MRPL40: variants seen among roughly 807,000 people sequenced by gnomAD.
The protein encoded by MRPL40 is mitochondrial ribosomal protein L40.
Under a neutral mutation model 24.5 loss-of-function variants are expected in MRPL40, and 18 were observed. The observed-to-expected ratio is 0.73, with a 90% CI of 0.51 to 1.09. MRPL40 has a LOEUF of 1.09. Among genes scored for constraint, MRPL40 ranks in the 50% least tolerant of loss-of-function variants. MRPL40 has a pLI of 0.00. For synonymous variants in MRPL40, 108 were observed against 94.6 expected (o/e 1.14, Z -0.82); for missense variants, 256 against 243.8 (o/e 1.05, Z -0.33).
chr22:19,433,296 G>A lies in MRPL40; in HGVS notation c.85G>A (p.Glu29Lys). The change falls in exon 2 of 4, where the codon GAG (glutamate) becomes AAG (lysine). Residue 29 changes from glutamate (E) to lysine (K), a missense_variant. Physicochemically the swap from Glu to Lys is moderately conservative, Grantham distance 56. Coordinates refer to ENST00000333130, the MANE Select transcript of MRPL40 (RefSeq NM_003776.4). ...LLGTWQTQLR[E>K]THQRASLLSF... ...GGGAACTTGGCAGACGCAGCTTAGA[G>A]AGACTCACCAGCGAGCGTCATTGTT... 3.1e-6 allele frequency: 5 copies of A among 1,613,274 alleles called. No individual in the cohort carries two copies. The South Asian group carries it at 5.5e-5, about 18-fold the overall frequency.
chr22:19,432,549 G>T lies in MRPL40; in HGVS notation c.-6G>T, dbSNP rs774080850. ...GGGCGCACGCCCGGAAGCGGCGAGG[G>T]TAGCCATGACGGCCTCCGTGCTGCG... On this transcript the variant is annotated 5_prime_UTR_variant, in exon 1 of 4. Coordinates refer to ENST00000333130, the MANE Select transcript of MRPL40 (RefSeq NM_003776.4). The T allele has an allele frequency of 4.5e-6, 7 of 1,548,242 alleles. No homozygotes were observed. In the South Asian group the frequency reaches 8.4e-5, roughly 19 times the overall value.
intron 1 of MRPL40, 141 bp from the exon 2 acceptor site, chr22:19,433,124 A>G: frequency 1.8e-6 from 1 of 547,688 alleles, no homozygotes; most frequent in Non-Finnish European, 3.3e-6. Context: ...ACGGGGTTTC[A>G]CCATGTTGGC....
intron 1 of MRPL40, 29 bp from the exon 2 acceptor site, chr22:19,433,236 A>C (rs752383048): frequency 6.6e-7 from 1 of 1,514,516 alleles, no homozygotes; most frequent in Non-Finnish European, 9.2e-7. Flanking sequence ...GGAGAAGCAG[A>C]TATTTATACA....
At position 19,433,311 on chromosome 22, in the gene MRPL40, G is replaced by C; in HGVS notation, c.100G>C (p.Ala34Pro). Reference protein sequence around the residue: ...QTQLRETHQRASLLSFWELIP... With the variant: ...QTQLRETHQRPSLLSFWELIP... ...GCAGCTTAGAGAGACTCACCAGCGA[G>C]CGTCATTGTTGTCTTTCTGGGAACT... The change falls in exon 2 of 4, where the codon GCG becomes CCG. Residue 34 changes from alanine (A) to proline (P), a missense_variant. By Grantham distance (27) the Ala-to-Pro change is conservative. Transcript: ENST00000333130. 6.2e-7 allele frequency: 1 copy of C among 1,613,406 alleles called. No homozygotes were observed.
In MRPL40 at chr22:19,432,610, G is replaced by C; in HGVS notation, c.53+3G>C. The C allele has an allele frequency of 6.4e-7, 1 of 1,552,022 alleles. No homozygotes were observed. The highest frequency in any genetic ancestry group is 8.7e-7 in the Non-Finnish European group (1 of 1,149,052). ...CTAGCCCTGCGCCCGACTAGCGGGT[G>C]AGTGCGGACGCTGGCCGGATAGCGG... On this transcript the variant is annotated splice_donor_region_variant and intron_variant, in intron 1 of 3. Transcript: ENST00000333130.
At position 19,433,297 on chromosome 22, in the gene MRPL40, A is replaced by G. The variant is rs771343701; in HGVS notation, c.86A>G (p.Glu29Gly). ...LLGTWQTQLR[E>G]THQRASLLSF... is the part of the protein sequence containing the mutation. ...GGAACTTGGCAGACGCAGCTTAGAG[A>G]GACTCACCAGCGAGCGTCATTGTTG... Residue 29 changes from glutamate to glycine, a missense_variant, in exon 2 of 4, where the codon GAG (glutamate) becomes GGG (glycine). Transcript: ENST00000333130. The G allele has an allele frequency of 1.2e-6, 2 of 1,613,176 alleles. No individual in the cohort carries two copies. Among genetic ancestry groups the G allele is most frequent in the East Asian group, 2.2e-5 (1 of 44,846 alleles).
At chr22:19,434,254 G>A (rs1333110704) in intron 2 of MRPL40, among the ~76,000 whole-genome samples, 7 of 116,014 alleles carry the variant, frequency 6.0e-5, no homozygotes, top group Admixed American at 2.3e-4. Flanking sequence ...ACAGAGTCTC[G>A]CTCTGTTACC....
chr22:19,432,803 G>T (rs2089556001), intron 1 of MRPL40, 196 bp downstream of exon 1: 1 of 1,374,938 alleles, frequency 7.3e-7, no homozygotes, highest in Non-Finnish European at 9.4e-7. Context: ...TAAGTCCTCT[G>T]TGGTCTGAAC....
At chr22:19,435,277 T>G (rs997059272) in intron 3 of MRPL40, among the ~76,000 whole-genome samples, 4 of 152,262 alleles carry the variant, frequency 2.6e-5, no homozygotes, top group Middle Eastern at 3.4e-3. Context: ...CTTTGGTTGG[T>G]ATTTGTTGGG....
intron 1 of MRPL40, chr22:19,432,890 T>C (rs776828909): frequency 4.6e-5 from 59 of 1,295,112 alleles, no homozygotes; most frequent in Non-Finnish European, 5.4e-5. Context: ...TTTGGGAGCA[T>C]TGCAATTTTT....
chr22:19,433,331 G>C lies in MRPL40; in HGVS notation c.120G>C (p.Trp40Cys). 1.2e-6 allele frequency: 2 copies of C among 1,611,020 alleles called. No homozygotes were observed. The highest frequency in any genetic ancestry group is 2.2e-5 in the South Asian group (2 of 91,006). Reference protein sequence around the residue: ...THQRASLLSFWELIPMRSEPL... With the variant: ...THQRASLLSFCELIPMRSEPL... ...AGCGAGCGTCATTGTTGTCTTTCTGGGAACTCATTCCCATGAGGTAAAACT... is the reference window on the plus strand; with the variant it reads ...AGCGAGCGTCATTGTTGTCTTTCTGCGAACTCATTCCCATGAGGTAAAACT... Residue 40 changes from tryptophan (W) to cysteine (C), a missense_variant, in exon 2 of 4, where the codon TGG becomes TGC. Physicochemically the swap from Trp to Cys is radical, Grantham distance 215. Transcript: ENST00000333130.
rs2089584499 is a variant in MRPL40 at position 19,435,834 on chromosome 22, G to C, written c.493G>C (p.Asp165His). The stretch of plus-strand genomic sequence containing the variant: ...GCTCCATGCTGAGGCCATCAAGCGG[G>C]ATCCTAACCTGTTCCCCTTTGAGAA... ...PKLHAEAIKR[D>H]PNLFPFEKEG... Residue 165 changes from aspartate to histidine, a missense_variant, in exon 4 of 4, where the codon GAT becomes CAT. Coordinates refer to ENST00000333130, the MANE Select transcript of MRPL40 (RefSeq NM_003776.4). 1 of 1,614,198 alleles carries C rather than the reference G, an allele frequency of 6.2e-7. No individual in the cohort carries two copies. Among genetic ancestry groups the C allele is most frequent in the Non-Finnish European group, 8.5e-7 (1 of 1,180,038 alleles).
At chr22:19,433,675 G>A (rs957302711) in intron 2 of MRPL40, among the ~76,000 whole-genome samples, 5 of 152,138 alleles carry the variant, frequency 3.3e-5, no homozygotes, top group African/African-American at 1.2e-4. Flanking sequence ...AGAGTGTGGG[G>A]AAGATGCAAG....
At chr22:19,432,974 G>A in intron 1 of MRPL40, 1 of 929,238 alleles carries the variant, frequency 1.1e-6, no homozygotes, top group Non-Finnish European at 1.4e-6. Context: ...CTGTCGCCCA[G>A]GCTGGAGTGC....
chr22:19,434,148 C>T (rs1023687568), intron 2 of MRPL40, among the ~76,000 whole-genome samples: 1 of 151,724 alleles, frequency 6.6e-6, no homozygotes, highest in East Asian at 1.9e-4. Context: ...CCAAGGCACA[C>T]CTGAATCCCA....
chr22:19,433,715 G>A (rs1215918835), intron 2 of MRPL40, among the ~76,000 whole-genome samples: 2 of 152,180 alleles, frequency 1.3e-5, no homozygotes, highest in East Asian at 3.9e-4. Context: ...TGGCACTCTC[G>A]ACTCTTTGTA....
At chr22:19,433,405 A>C (rs891466891) in intron 2 of MRPL40, 57 bp downstream of exon 2, 6 of 1,076,942 alleles carry the variant, frequency 5.6e-6, no homozygotes, top group Non-Finnish European at 8.6e-6. Context: ...CTATGTGTAG[A>C]GAACAAAGCA....
chr22:19,435,710 G>A lies in MRPL40; in HGVS notation c.369G>A (p.Leu123=), dbSNP rs556358554. ...CTCTGCTTCTGAAGAAGTGGTCCTT[G>A]TACAAGCAGCAAGAGCGTAAGATGG... ...RRALLLKKWS[L]YKQQERKMER... Residue 123 remains leucine (L), a synonymous_variant, in exon 4 of 4, where the codon TTG becomes TTA. Coordinates refer to ENST00000333130, the MANE Select transcript of MRPL40 (RefSeq NM_003776.4). 2.5e-6 allele frequency: 4 copies of A among 1,614,158 alleles called. No homozygotes were observed. Among genetic ancestry groups the A allele is most frequent in the Non-Finnish European group, 3.4e-6 (4 of 1,180,032 alleles).
chr22:19,432,653 C>A (rs1410991697), intron 1 of MRPL40, 46 bp downstream of exon 1: 10 of 1,519,634 alleles, frequency 6.6e-6, no homozygotes, highest in South Asian at 1.2e-5. Flanking sequence ...AGGGCGCGTG[C>A]GGGGTCTTCG....
Sources: gnomAD v4.1 joint callset for allele counts (sites outside exome capture counted in the v4.1 genomes callset) on GRCh38, gnomAD v4.1.1 for gene constraint, MANE v1.5 for transcripts, NCBI Gene and HGNC (gene_info 2026-07-23, HGNC 2026-07-21) for gene names.